Variants in ASTN2 observed in about 807,000 individuals in gnomAD.
ASTN2 encodes the protein astrotactin-2.
In ASTN2, 54 loss-of-function variants were observed where a neutral mutation model predicts 139.8. The ratio of observed to expected loss-of-function variants is 0.39; its 90% CI spans 0.31 to 0.48. The LOEUF (loss-of-function observed/expected upper bound fraction) is 0.48, where lower values mean the gene tolerates loss of function less well. Ranked by LOEUF, ASTN2 falls within the 20% of genes least tolerant of loss-of-function variation. The pLI, the probability that ASTN2 is intolerant of heterozygous loss-of-function variation, is 0.95. For missense variants in ASTN2, 1,565 were observed against 1,725.1 expected (o/e 0.91, Z 1.64); for synonymous variants, 756 against 719.5 (o/e 1.05, Z -0.81).
intron 10 of ASTN2, among the ~76,000 whole-genome samples, chr9:116,916,744 A>G (rs900101380): frequency 1.3e-5 from 2 of 151,996 alleles, no homozygotes; most frequent in Non-Finnish European, 2.9e-5. Flanking sequence ...GGAGGCTGAG[A>G]TTGCTTGAGC....
At chr9:116,470,324 A>G (rs749317924) in intron 20 of ASTN2, among the ~76,000 whole-genome samples, 31 of 152,166 alleles carry the variant, frequency 2.0e-4, no homozygotes, top group African/African-American at 7.2e-4. Flanking sequence ...GGAAGAGCGC[A>G]TGCTGTGGTG....
chr9:116,884,811 C>T (rs975684659), intron 10 of ASTN2, among the ~76,000 whole-genome samples: 2 of 126,414 alleles, frequency 1.6e-5, no homozygotes, highest in Non-Finnish European at 3.3e-5. Context: ...CCGCCCCCCC[C>T]CCACCCACTT....
intron 20 of ASTN2, among the ~76,000 whole-genome samples, chr9:116,451,451 TAA>T (rs34420505): frequency 4.1e-4 from 59 of 145,268 alleles, no homozygotes; most frequent in East Asian, 1.6e-3. Context: ...GAAACACCCA[TAA>T]AAAAAAAAAG....
chr9:116,932,472 A>G (rs745938920), intron 10 of ASTN2, among the ~76,000 whole-genome samples: 5 of 152,188 alleles, frequency 3.3e-5, no homozygotes, highest in African/African-American at 4.8e-5. Context: ...ATGTGGAAGT[A>G]AGTGATAGCA....
chr9:117,008,310 G>C, intron 6 of ASTN2, 51 bp from the exon 7 acceptor site: 1 of 1,491,712 alleles, frequency 6.7e-7, no homozygotes, highest in East Asian at 2.4e-5. Flanking sequence ...TAAGGTCTTA[G>C]CTGATGCTAC....
chr9:116,477,426 T>G (rs1340482697), intron 20 of ASTN2, among the ~76,000 whole-genome samples: 1 of 151,884 alleles, frequency 6.6e-6, no homozygotes, highest in East Asian at 2.0e-4. Context: ...AAGTTCACAT[T>G]CCACTCGAGT....
At chr9:117,288,659 T>C (rs1384921660) in intron 2 of ASTN2, among the ~76,000 whole-genome samples, 4 of 152,174 alleles carry the variant, frequency 2.6e-5, no homozygotes, top group Non-Finnish European at 2.9e-5. Flanking sequence ...GGGAGACAGA[T>C]CCCAGCCATC....
At position 116,820,872 on chromosome 9, in the gene ASTN2, G is replaced by A. The variant is rs1455948184; in HGVS notation, c.2041-89C>T. The A allele has an allele frequency of 3.0e-6, 4 of 1,346,022 alleles. No homozygotes were observed. The African/African-American group carries it at 4.4e-5, about 15-fold the overall frequency. 83.4% of individuals were successfully genotyped at this position (1,346,022 alleles called of 1,614,324 possible). On this transcript the variant is annotated intron_variant, in intron 11 of 22. Coordinates refer to ENST00000313400, the MANE Select transcript of ASTN2 (RefSeq NM_001365068.1). ...CTCCTCCCTCCTGGAAGAGACATGTGTCAGGGCCTGACAGAAAGGTATTCA... is the reference window on the plus strand; with the variant it reads ...CTCCTCCCTCCTGGAAGAGACATGTATCAGGGCCTGACAGAAAGGTATTCA...
At chr9:117,063,007 G>T (rs1839336901) in intron 5 of ASTN2, among the ~76,000 whole-genome samples, 1 of 152,162 alleles carries the variant, frequency 6.6e-6, no homozygotes, top group Non-Finnish European at 1.5e-5. Flanking sequence ...TTGTGTGCTA[G>T]CCTCGGAAGC....
At chr9:116,764,799 T>G (rs1032926647) in intron 13 of ASTN2, among the ~76,000 whole-genome samples, 5 of 152,182 alleles carry the variant, frequency 3.3e-5, no homozygotes, top group Non-Finnish European at 7.3e-5. Flanking sequence ...TTTATGTGAG[T>G]GCTGACATTT....
intron 17 of ASTN2, among the ~76,000 whole-genome samples, chr9:116,649,773 C>T (rs893596887): frequency 1.3e-5 from 2 of 152,180 alleles, no homozygotes; most frequent in African/African-American, 4.8e-5. Context: ...TTCTGCCACA[C>T]AATCTAATCC....
intron 2 of ASTN2, among the ~76,000 whole-genome samples, chr9:117,289,250 G>A (rs1834526381): frequency 6.6e-6 from 1 of 152,196 alleles, no homozygotes; most frequent in African/African-American, 2.4e-5. Flanking sequence ...CACGGTGGTA[G>A]CCTTGGGTCA....
intron 16 of ASTN2, chr9:116,700,550 C>CTGTG: frequency 6.0e-6 from 1 of 167,096 alleles, no homozygotes; most frequent in East Asian, 1.9e-4. Flanking sequence ...CTCTTCTGGC[C>CTGTG]TGTGTCTAAG....
At chr9:117,199,322 A>G (rs2132985457) in intron 3 of ASTN2, among the ~76,000 whole-genome samples, 1 of 152,330 alleles carries the variant, frequency 6.6e-6, no homozygotes, top group East Asian at 1.9e-4. Flanking sequence ...GGTGTAAGGA[A>G]GGGGTCCAGT....
intron 2 of ASTN2, among the ~76,000 whole-genome samples, chr9:117,278,535 C>G (rs1834249191): frequency 6.6e-6 from 1 of 152,190 alleles, no homozygotes; most frequent in Admixed American, 6.5e-5. Context: ...CCCCTTCCCC[C>G]TCTTCATTCA....
intron 1 of ASTN2, among the ~76,000 whole-genome samples, chr9:117,349,897 T>C (rs1163328455): frequency 6.6e-6 from 1 of 152,044 alleles, no homozygotes; most frequent in East Asian, 1.9e-4. Flanking sequence ...TGAGAGACTG[T>C]CACATAACAG....
chr9:116,468,372 T>A (rs1848713990), intron 20 of ASTN2, among the ~76,000 whole-genome samples: 1 of 152,190 alleles, frequency 6.6e-6, no homozygotes, highest in Non-Finnish European at 1.5e-5. Flanking sequence ...AGGAGAAAGT[T>A]TCCTGGTTGT....
At chr9:116,756,020 G>T (rs1341423710) in intron 13 of ASTN2, among the ~76,000 whole-genome samples, 1 of 152,230 alleles carries the variant, frequency 6.6e-6, no homozygotes, top group Non-Finnish European at 1.5e-5. Context: ...AACTGTGAGT[G>T]AATACATGTG....
chr9:117,048,751 C>T (rs940629992), intron 5 of ASTN2, among the ~76,000 whole-genome samples: 1 of 152,090 alleles, frequency 6.6e-6, no homozygotes, highest in African/African-American at 2.4e-5. Flanking sequence ...GTTGGCATTG[C>T]TGTTATCCCC....
Sources: gnomAD v4.1 joint callset for allele counts (sites outside exome capture counted in the v4.1 genomes callset) on GRCh38, gnomAD v4.1.1 for gene constraint, MANE v1.5 for transcripts, NCBI Gene and HGNC (gene_info 2026-07-23, HGNC 2026-07-21) for gene names.